Variants in NELL1 observed in about 807,000 individuals in gnomAD.
The protein encoded by NELL1 is protein kinase C-binding protein NELL1.
NELL1 carries 76 observed loss-of-function variants against 107.4 expected under a neutral mutation model. The ratio of observed to expected loss-of-function variants is 0.71; its 90% CI spans 0.59 to 0.86. The LOEUF (loss-of-function observed/expected upper bound fraction) is 0.86, where lower values mean the gene tolerates loss of function less well. NELL1 is among the 40% of genes least tolerant of loss of function. The pLI is 0.00. For synonymous variants in NELL1, 353 were observed against 341.2 expected, an observed-to-expected ratio of 1.03 and a Z score of -0.38; for missense variants, 1,024 against 1,005.5, an observed-to-expected ratio of 1.02 and a Z score of -0.25.
At chr11:20,831,591 G>A (rs1222866825) in intron 3 of NELL1, among the ~76,000 whole-genome samples, 1 of 152,252 alleles carries the variant, frequency 6.6e-6, no homozygotes, top group Non-Finnish European at 1.5e-5. Flanking sequence ...AGGTGGGGGG[G>A]ACCCTGGATA....
chr11:21,184,744 C>T (rs113006460), intron 13 of NELL1, among the ~76,000 whole-genome samples: 14,486 of 147,462 alleles, frequency 0.098, 985 homozygotes, highest in African/African-American at 0.16. Context: ...CTGTTTTTAA[C>T]GAGGAGTTTT....
intron 15 of NELL1, among the ~76,000 whole-genome samples, chr11:21,399,369 GT>G (rs1307067994): frequency 6.6e-6 from 1 of 151,616 alleles, no homozygotes. Flanking sequence ...CTTAAATTAA[GT>G]AGCCAAGAAA....
chr11:20,902,283 T>C (rs1369628276), intron 5 of NELL1, among the ~76,000 whole-genome samples: 1 of 152,142 alleles, frequency 6.6e-6, no homozygotes, highest in Non-Finnish European at 1.5e-5. Context: ...ACCTTTTTTT[T>C]TTAACTCAAT....
intron 2 of NELL1, among the ~76,000 whole-genome samples, chr11:20,697,085 G>T (rs577885814): frequency 6.6e-6 from 1 of 152,128 alleles, no homozygotes; most frequent in Non-Finnish European, 1.5e-5. Flanking sequence ...TTACAAGGAG[G>T]CAACTTTAGA....
intron 14 of NELL1, among the ~76,000 whole-genome samples, chr11:21,313,188 T>C (rs1849788305): frequency 6.6e-6 from 1 of 152,102 alleles, no homozygotes; most frequent in East Asian, 1.9e-4. Flanking sequence ...TCAAATTCAA[T>C]GAGAAAGATA....
intron 2 of NELL1, among the ~76,000 whole-genome samples, chr11:20,746,610 G>A (rs1420213661): frequency 7.0e-6 from 1 of 143,276 alleles, no homozygotes; most frequent in African/African-American, 2.7e-5. Flanking sequence ...ACACACACGT[G>A]GAATTGAACA....
intron 4 of NELL1, among the ~76,000 whole-genome samples, chr11:20,867,079 C>T (rs919476): frequency 0.14 from 21,058 of 152,052 alleles, 1,906 homozygotes; most frequent in African/African-American, 0.25. Flanking sequence ...GGACATAAAC[C>T]CACAACTCCA....
intron 4 of NELL1, among the ~76,000 whole-genome samples, chr11:20,863,801 A>G (rs1296054013): frequency 6.6e-6 from 1 of 152,130 alleles, no homozygotes; most frequent in African/African-American, 2.4e-5. Flanking sequence ...ACGCCACTGC[A>G]CTCCAGCCTG....
chr11:20,826,502 G>T lies in NELL1; in HGVS notation c.336-21081G>T, dbSNP rs577877049. Among the ~76,000 whole-genome samples, 9 of 151,386 alleles carry T rather than the reference G, an allele frequency of 5.9e-5. No individual in the cohort carries two copies. In the South Asian group the frequency reaches 1.9e-3, roughly 32 times the overall value. The stretch of plus-strand genomic sequence containing the variant: ...GCTTCACTAAGATTCAATTACTAAA[G>T]GAAAGGGGAGAGTGCACACCAGGGG... On this transcript the variant is annotated intron_variant, in intron 3 of 19. Coordinates refer to ENST00000357134, the MANE Select transcript of NELL1 (RefSeq NM_006157.5).
At chr11:21,336,076 C>T (rs542846687) in intron 14 of NELL1, among the ~76,000 whole-genome samples, 2 of 152,144 alleles carry the variant, frequency 1.3e-5, no homozygotes, top group African/African-American at 2.4e-5. Flanking sequence ...TATATACAAC[C>T]TTAGTTTATT....
chr11:21,357,355 G>A (rs1191574561), intron 14 of NELL1, among the ~76,000 whole-genome samples: 1 of 152,186 alleles, frequency 6.6e-6, no homozygotes, highest in Admixed American at 6.5e-5. Context: ...CATTCTTGCA[G>A]GAGTGAGGTA....
chr11:20,856,875 G>C (rs757574563), intron 4 of NELL1, among the ~76,000 whole-genome samples: 5 of 152,228 alleles, frequency 3.3e-5, no homozygotes, highest in Non-Finnish European at 7.3e-5. Flanking sequence ...AGCTCTGTGA[G>C]ATGGATGTGA....
chr11:21,424,306 A>G (rs993297613), intron 15 of NELL1, among the ~76,000 whole-genome samples: 1 of 152,144 alleles, frequency 6.6e-6, no homozygotes, highest in Non-Finnish European at 1.5e-5. Flanking sequence ...AATAGAAATA[A>G]AGAGGATTAT....
chr11:20,769,955 C>A (rs1049466423), intron 2 of NELL1, among the ~76,000 whole-genome samples: 1 of 152,110 alleles, frequency 6.6e-6, no homozygotes, highest in Non-Finnish European at 1.5e-5. Flanking sequence ...TGCGTGGGAG[C>A]CTACCAGCAT....
chr11:21,525,924 T>C lies in NELL1; in HGVS notation c.1646-8450T>C, dbSNP rs117273598. Among the ~76,000 whole-genome samples, 80 of 152,300 alleles carry C rather than the reference T, an allele frequency of 5.3e-4. 2 individuals are homozygous for C. The East Asian group carries it at 0.015, about 29-fold the overall frequency. On this transcript the variant is annotated intron_variant, in intron 15 of 19. Transcript: ENST00000357134. ...AAGGTGAGATTTCTGCCCCTATCAT[T>C]CTGCCCTGACCCCTCCCAAATCTCA...
chr11:20,691,036 T>C (rs527604969), intron 2 of NELL1, among the ~76,000 whole-genome samples: 30 of 152,128 alleles, frequency 2.0e-4, no homozygotes, highest in South Asian at 4.2e-4. Context: ...TTTTATTCTC[T>C]TTGAAGCAAT....
intron 14 of NELL1, among the ~76,000 whole-genome samples, chr11:21,365,744 T>C (rs1445846245): frequency 6.6e-6 from 1 of 152,074 alleles, no homozygotes; most frequent in Non-Finnish European, 1.5e-5. Flanking sequence ...TTTGTTTTTA[T>C]ATTCAACTGG....
At chr11:20,826,648 G>T (rs76586545) in intron 3 of NELL1, among the ~76,000 whole-genome samples, 1,588 of 151,202 alleles carry the variant, frequency 0.011, 33 homozygotes, top group African/African-American at 0.037. Flanking sequence ...ATTAGGAACC[G>T]GCTGGGGGAT....
At chr11:20,862,017 A>G (rs1415612189) in intron 4 of NELL1, among the ~76,000 whole-genome samples, 10 of 152,226 alleles carry the variant, frequency 6.6e-5, no homozygotes. Context: ...AGAAGTTTAG[A>G]TAAAGCCGTG....
Sources: gnomAD v4.1 joint callset for allele counts (sites outside exome capture counted in the v4.1 genomes callset) on GRCh38, gnomAD v4.1.1 for gene constraint, MANE v1.5 for transcripts, NCBI Gene and HGNC (gene_info 2026-07-23, HGNC 2026-07-21) for gene names.